TMC4: variants seen among roughly 807,000 people sequenced by gnomAD.
TMC4 encodes the protein voltage-gated chloride channel TMC4.
A neutral mutation model predicts 82.0 loss-of-function variants in TMC4; 70 were observed. The ratio of observed to expected loss-of-function variants is 0.85; its 90% CI spans 0.70 to 1.04. The LOEUF is 1.04. TMC4 is among the 50% of genes least tolerant of loss of function. The pLI is 0.00. For missense variants in TMC4, 879 were observed against 899.0 expected, an observed-to-expected ratio of 0.98 and a Z score of 0.28; for synonymous variants, 446 against 406.0, an observed-to-expected ratio of 1.10 and a Z score of -1.18.
rs766966613 is a variant in TMC4 at position 54,173,114 on chromosome 19, C to T, written c.4G>A (p.Glu2Lys). 5 of 1,558,288 alleles carry T rather than the reference C, an allele frequency of 3.2e-6. No homozygotes were observed. The African/African-American group carries it at 7.0e-5, about 22-fold the overall frequency. The change falls in exon 1 of 15, where the codon GAA becomes AAA. Residue 2 changes from glutamate (E) to lysine (K), a missense_variant. By Grantham distance (56) the Glu-to-Lys change is moderately conservative. Coordinates refer to ENST00000619895, the MANE Select transcript of TMC4 (RefSeq NM_144686.4). MEENPTLESEAW... is the reference protein window; with the variant it reads MKENPTLESEAW... ...TCTGATTCCAAGGTCGGGTTTTCTT[C>T]CATGGCCCCAGGCTGGGCTGTCTCT...
chr19:54,163,023 C>G lies in TMC4; in HGVS notation c.1404+10G>C. The G allele has an allele frequency of 6.2e-7, 1 of 1,614,150 alleles. No individual in the cohort carries two copies. The highest frequency in any genetic ancestry group is 8.5e-7 in the Non-Finnish European group (1 of 1,180,020). ...CCCAAGAGTCCCACGCACACCCATG[C>G]CGTTCTCACCGGAAGTTGTTTGTAA... On this transcript the variant is annotated intron_variant, in intron 9 of 14. Transcript: ENST00000619895.
At position 54,164,695 on chromosome 19, in the gene TMC4, G is replaced by A. The variant is rs1427832485; in HGVS notation, c.946-94C>T. On this transcript the variant is annotated intron_variant, in intron 6 of 14. Transcript: ENST00000619895. ...TGGCTCTCCAGAGATCCTCCTTAAC[G>A]TGAACTGATGCAGCCGTCTCCCCAC... 3 of 1,495,502 alleles carry A rather than the reference G, an allele frequency of 2.0e-6. No homozygotes were observed. The African/African-American group carries it at 4.1e-5, about 21-fold the overall frequency. 92.6% of individuals were successfully genotyped at this position (1,495,502 alleles called of 1,614,324 possible).
chr19:54,162,654 C>T lies in TMC4; in HGVS notation c.1502+19G>A, dbSNP rs113124754. The stretch of plus-strand genomic sequence containing the variant: ...TCGTCCTAGAGGGGCGGGGCCACAG[C>T]AAGGGGCGGGGCTCTCACTTTCTAG... On this transcript the variant is annotated intron_variant, in intron 10 of 14. Coordinates refer to ENST00000619895, the MANE Select transcript of TMC4 (RefSeq NM_144686.4). 31 of 1,603,568 alleles carry T rather than the reference C, an allele frequency of 1.9e-5. No homozygotes were observed. The highest frequency in any genetic ancestry group is 2.4e-5 in the Non-Finnish European group (28 of 1,171,826).
At chr19:54,161,054 G>GCTCA (rs2075534757) in intron 12 of TMC4, 21 bp from the exon 13 acceptor site, 2 of 1,613,684 alleles carry the variant, frequency 1.2e-6, no homozygotes, top group Non-Finnish European at 1.7e-6. Flanking sequence ...GACAGGCTGG[G>GCTCA]CTCACATAGT....
At chr19:54,165,910 C>T (rs992802977) in intron 5 of TMC4, among the ~76,000 whole-genome samples, 3 of 151,990 alleles carry the variant, frequency 2.0e-5, no homozygotes, top group Non-Finnish European at 4.4e-5. Context: ...GGGACAGAGG[C>T]CCCAGAGGGA....
intron 5 of TMC4, among the ~76,000 whole-genome samples, chr19:54,166,390 G>A (rs1188915041): frequency 6.6e-6 from 1 of 151,468 alleles, no homozygotes; most frequent in African/African-American, 2.4e-5. Context: ...AGAGAGGGGG[G>A]CAAAGACCCA....
At chr19:54,163,006 T>G (rs2075604988) in intron 9 of TMC4, 27 bp downstream of exon 9, 1 of 1,613,538 alleles carries the variant, frequency 6.2e-7, no homozygotes, top group African/African-American at 1.3e-5. Flanking sequence ...GACCCAAGAG[T>G]CCCACGCACA....
intron 8 of TMC4, 100 bp from the exon 9 acceptor site, chr19:54,163,259 T>C: frequency 7.0e-7 from 1 of 1,430,246 alleles, no homozygotes; most frequent in Non-Finnish European, 9.5e-7. Context: ...ATCTCACAGA[T>C]GAAGCTGAGG....
At chr19:54,167,651 C>G (rs1198480545) in intron 5 of TMC4, among the ~76,000 whole-genome samples, 2 of 149,528 alleles carry the variant, frequency 1.3e-5, no homozygotes, top group African/African-American at 2.4e-5. Flanking sequence ...CTCTGTCGCC[C>G]AGGCTGGAGT....
chr19:54,161,190 G>C lies in TMC4; in HGVS notation c.1757C>G (p.Pro586Arg). The C allele has an allele frequency of 6.3e-7, 1 of 1,594,658 alleles. No individual in the cohort carries two copies. Among genetic ancestry groups the C allele is most frequent in the Non-Finnish European group, 8.5e-7 (1 of 1,171,694 alleles). ...FRASAANFFFPLVLLLGLAIS... is the reference protein window; with the variant it reads ...FRASAANFFFRLVLLLGLAIS... ...GGCCAGACCCAGGAGAAGGACCAAG[G>C]GGAAAAAGAAATTCGCCGCGGAGGC... Residue 586 changes from proline (P) to arginine (R), a missense_variant, in exon 12 of 15, where the codon CCC (proline) becomes CGC (arginine). Transcript: ENST00000619895.
At chr19:54,168,420 G>A in intron 4 of TMC4, 28 bp downstream of exon 4, 2 of 1,525,940 alleles carry the variant, frequency 1.3e-6, no homozygotes, top group Non-Finnish European at 1.8e-6. Flanking sequence ...AGGTGGGCGG[G>A]GAATCCCCCA....
chr19:54,162,216 G>A lies in TMC4; in HGVS notation c.1572C>T (p.Asp524=), dbSNP rs756983345. ...GCGCGTAGATGAGCCCCAGCACCTC[G>A]TCGGGCACCTGGAACTCTTGGGTCC... ...LAGTQEFQVP[D]EVLGLIYAQT... Residue 524 remains aspartate, a synonymous_variant, in exon 11 of 15, where the codon GAC becomes GAT. Coordinates refer to ENST00000619895, the MANE Select transcript of TMC4 (RefSeq NM_144686.4). 1.9e-6 allele frequency: 3 copies of A among 1,612,784 alleles called. No individual in the cohort carries two copies. Among genetic ancestry groups the A allele is most frequent in the South Asian group, 1.1e-5 (1 of 90,862 alleles).
At chr19:54,164,309 G>T in intron 7 of TMC4, 125 bp downstream of exon 7, 1 of 1,271,156 alleles carries the variant, frequency 7.9e-7, no homozygotes, top group Non-Finnish European at 1.1e-6. Context: ...TCCAGGGTCC[G>T]AACATACCCT....
intron 5 of TMC4, 133 bp downstream of exon 5, chr19:54,168,037 TG>T: frequency 1.8e-6 from 2 of 1,125,848 alleles, no homozygotes; most frequent in East Asian, 2.6e-5. Flanking sequence ...CACTCTAGCC[TG>T]GGCAATAAGA....
In TMC4 at chr19:54,163,730, A is replaced by G; in HGVS notation, c.1271T>C (p.Leu424Pro). ...YTRSRQIVFI[L>P]LRTVFLRLAS... ...ATCCCCGTGAGGCTGGAACCTGAGC[A>G]GGATAAAAACGATCTGGCGACTCCG... Residue 424 changes from leucine (L) to proline (P), a missense_variant, in exon 8 of 15, where the codon CTG (leucine) becomes CCG (proline). Leu to Pro is a moderately conservative substitution (Grantham distance 98). Transcript: ENST00000619895. 1.2e-6 allele frequency: 2 copies of G among 1,614,030 alleles called. No individual in the cohort carries two copies. The highest frequency in any genetic ancestry group is 1.7e-6 in the Non-Finnish European group (2 of 1,180,004).
At chr19:54,167,124 A>G (rs1377749944) in intron 5 of TMC4, among the ~76,000 whole-genome samples, 4 of 152,044 alleles carry the variant, frequency 2.6e-5, no homozygotes, top group Non-Finnish European at 5.9e-5. Flanking sequence ...TTAGCAAGAC[A>G]TGGTGGTGCA....
chr19:54,164,183 C>T (rs1042985488), intron 7 of TMC4, among the ~76,000 whole-genome samples: 7 of 151,962 alleles, frequency 4.6e-5, no homozygotes, highest in Non-Finnish European at 1.0e-4. Context: ...CCATGTTGGT[C>T]AGGCTGGTCT....
Position 54,162,265 on chromosome 19 carries a change from G to A in TMC4, c.1523C>T (p.Pro508Leu). The A allele has an allele frequency of 3.8e-6, 6 of 1,597,968 alleles. No homozygotes were observed. Among genetic ancestry groups the A allele is most frequent in the Non-Finnish European group, 5.1e-6 (6 of 1,173,550 alleles). ...FPRKLLCGLC[P>L]GALGRLAGTQ... ...CCCCGCCAGACGACCCAGCGCCCCA[G>A]GACAGAGGCCACAGAGGAGCCTGAA... The change falls in exon 11 of 15, where the codon CCT becomes CTT. Residue 508 changes from proline (P) to leucine (L), a missense_variant. By Grantham distance (98) the Pro-to-Leu change is moderately conservative. Coordinates refer to ENST00000619895, the MANE Select transcript of TMC4 (RefSeq NM_144686.4).
rs1038102316 is a variant in TMC4 at position 54,161,240 on chromosome 19, G to A, written c.1707C>T (p.Cys569=). The change falls in exon 12 of 15, where the codon TGC becomes TGT. Residue 569 remains cysteine (C), a synonymous_variant. Coordinates refer to ENST00000619895, the MANE Select transcript of TMC4 (RefSeq NM_144686.4). ...YLKKLTLFST[C]SPAARTFRAS... is the part of the protein sequence containing the mutation. ...CCCGGAAGGTGCGGGCAGCCGGGGAGCAGGTGGAGAAGAGGGTAAGCTGGT... is the reference window on the plus strand; with the variant it reads ...CCCGGAAGGTGCGGGCAGCCGGGGAACAGGTGGAGAAGAGGGTAAGCTGGT... 13 of 1,559,868 alleles carry A rather than the reference G, an allele frequency of 8.3e-6. No individual in the cohort carries two copies. Among genetic ancestry groups the A allele is most frequent in the Admixed American group, 2.0e-5 (1 of 50,250 alleles).
Sources: gnomAD v4.1 joint callset for allele counts (sites outside exome capture counted in the v4.1 genomes callset) on GRCh38, gnomAD v4.1.1 for gene constraint, MANE v1.5 for transcripts, NCBI Gene and HGNC (gene_info 2026-07-23, HGNC 2026-07-21) for gene names.